DPY19L2: variants seen among roughly 807,000 people sequenced by gnomAD.
DPY19L2 encodes probable C-mannosyltransferase DPY19L2.
DPY19L2 carries 34 observed loss-of-function variants against 97.9 expected under a neutral mutation model. That is an observed-to-expected ratio of 0.35 (90% CI 0.26 to 0.46). DPY19L2 has a LOEUF of 0.46. DPY19L2 is among the 20% of genes least tolerant of loss of function. The pLI is 1.00. For missense variants in DPY19L2, 623 were observed against 911.4 expected, an observed-to-expected ratio of 0.68 and a Z score of 4.07; for synonymous variants, 230 against 307.9, an observed-to-expected ratio of 0.75 and a Z score of 2.65.
At position 63,661,441 on chromosome 12, in the gene DPY19L2, G is replaced by C. The variant is rs758933100; in HGVS notation, c.491C>G (p.Pro164Arg). The C allele has an allele frequency of 3.1e-6, 5 of 1,599,554 alleles. No individual in the cohort carries two copies. The South Asian group carries it at 4.6e-5, about 15-fold the overall frequency. ...YSYFKTIIEA[P>R]SFLEGLWMIM... Reference sequence around the variant, plus strand: ...CATCCACAGTCCTTCCAAAAACGAAGGTGCTTCAATAATGGTCTTGAAGTA... The same window carrying C: ...CATCCACAGTCCTTCCAAAAACGAACGTGCTTCAATAATGGTCTTGAAGTA... The change falls in exon 4 of 22, where the codon CCT becomes CGT. Residue 164 changes from proline to arginine, a missense_variant. Physicochemically the swap from Pro to Arg is moderately radical, Grantham distance 103. Coordinates refer to ENST00000324472, the MANE Select transcript of DPY19L2 (RefSeq NM_173812.5).
chr12:63,619,983 A>G (rs1473844403), intron 9 of DPY19L2: 2 of 455,984 alleles, frequency 4.4e-6, no homozygotes, highest in Admixed American at 4.7e-5. Context: ...CAGACGGAAT[A>G]CTTTAAACAT....
intron 4 of DPY19L2, among the ~76,000 whole-genome samples, chr12:63,658,647 C>T (rs1415498180): frequency 1.3e-5 from 2 of 152,166 alleles, no homozygotes; most frequent in Non-Finnish European, 2.9e-5. Context: ...CTCAATACTG[C>T]TTCCACCTGA....
chr12:63,582,647 A>G (rs919376900), intron 17 of DPY19L2, 122 bp from the exon 18 acceptor site: 27 of 1,098,738 alleles, frequency 2.5e-5, no homozygotes, highest in African/African-American at 4.8e-5. Context: ...TAAGCCTATC[A>G]GTATTCATTC....
At position 63,624,106 on chromosome 12, in the gene DPY19L2, G is replaced by T; in HGVS notation, c.887C>A (p.Pro296His). The T allele has an allele frequency of 6.2e-7, 1 of 1,611,606 alleles. No individual in the cohort carries two copies. Among genetic ancestry groups the T allele is most frequent in the African/African-American group, 1.3e-5 (1 of 74,904 alleles). Residue 296 changes from proline to histidine, a missense_variant, in exon 8 of 22, where the codon CCT (proline) becomes CAT (histidine). Transcript: ENST00000324472. ...GEATRVMWTP[P>H]LRESFSYPFL... ...AGGATAGGAAAAACTTTCACGGAGA[G>T]GTGGTGTCCACATCACACGGGTGGC...
At chr12:63,644,301 T>A (rs1893095381) in intron 6 of DPY19L2, 102 bp downstream of exon 6, 1 of 1,432,454 alleles carries the variant, frequency 7.0e-7, no homozygotes. Flanking sequence ...ACTTTCCTGA[T>A]ATGAATCTAA....
intron 4 of DPY19L2, among the ~76,000 whole-genome samples, chr12:63,649,989 T>C (rs2138185155): frequency 6.6e-6 from 1 of 152,216 alleles, no homozygotes; most frequent in South Asian, 2.1e-4. Context: ...AAGTAGGCTT[T>C]ATTCCTAGGA....
At chr12:63,606,876 C>T (rs1313267669) in intron 12 of DPY19L2, among the ~76,000 whole-genome samples, 4 of 152,194 alleles carry the variant, frequency 2.6e-5, no homozygotes, top group Non-Finnish European at 5.9e-5. Context: ...TACTTCATCA[C>T]CAAAAACTGG....
chr12:63,584,874 C>T (rs1881516052), intron 16 of DPY19L2, among the ~76,000 whole-genome samples: 1 of 152,154 alleles, frequency 6.6e-6, no homozygotes, highest in South Asian at 2.1e-4. Flanking sequence ...AACAAATCTA[C>T]CCATGAAATT....
At chr12:63,642,458 T>C (rs950528537) in intron 6 of DPY19L2, among the ~76,000 whole-genome samples, 4 of 152,138 alleles carry the variant, frequency 2.6e-5, no homozygotes, top group Admixed American at 6.5e-5. Context: ...TTGTCTTTCA[T>C]ATTTGAGTGT....
chr12:63,591,346 CA>C (rs1374956867), intron 16 of DPY19L2, among the ~76,000 whole-genome samples: 11 of 152,172 alleles, frequency 7.2e-5, no homozygotes, highest in African/African-American at 2.6e-4. Flanking sequence ...AAAATAAAAT[CA>C]AATATTCTAT....
At chr12:63,607,559 A>C (rs1348420402) in intron 12 of DPY19L2, among the ~76,000 whole-genome samples, 5 of 152,090 alleles carry the variant, frequency 3.3e-5, no homozygotes, top group Non-Finnish European at 7.4e-5. Flanking sequence ...GAAAATAGCA[A>C]CTCCTTCCAT....
chr12:63,620,808 C>T (rs963076531), intron 9 of DPY19L2, among the ~76,000 whole-genome samples: 10 of 152,084 alleles, frequency 6.6e-5, no homozygotes, highest in Non-Finnish European at 1.3e-4. Flanking sequence ...GGAATTAACC[C>T]AAATGCCCAT....
intron 6 of DPY19L2, among the ~76,000 whole-genome samples, chr12:63,628,044 G>A (rs1889871983): frequency 1.3e-5 from 2 of 152,292 alleles, no homozygotes; most frequent in Admixed American, 1.3e-4. Flanking sequence ...GGAGGAACTG[G>A]GGAAATGTGG....
intron 5 of DPY19L2, among the ~76,000 whole-genome samples, chr12:63,646,945 G>T (rs7138474): frequency 0.05 from 7,618 of 151,930 alleles, 316 homozygotes; most frequent in East Asian, 0.13. Context: ...ATATATTGCA[G>T]CTACCCCAAA....
At position 63,645,451 on chromosome 12, in the gene DPY19L2, T is replaced by C. The variant is rs138200611; in HGVS notation, c.710-955A>G. Among the ~76,000 whole-genome samples, 180 of 152,242 alleles carry C rather than the reference T, an allele frequency of 1.2e-3. 1 individual carries two copies. Among genetic ancestry groups the C allele is most frequent in the African/African-American group, 3.9e-3 (162 of 41,548 alleles). On this transcript the variant is annotated intron_variant, in intron 5 of 21. Transcript: ENST00000324472. The stretch of plus-strand genomic sequence containing the variant: ...ACATCCACAGCTCCAATGATCTATA[T>C]ACAGATGACTCCAACTCTACATTTA...
At chr12:63,609,439 C>T (rs1212767403) in intron 11 of DPY19L2, among the ~76,000 whole-genome samples, 1 of 152,084 alleles carries the variant, frequency 6.6e-6, no homozygotes, top group Non-Finnish European at 1.5e-5. Flanking sequence ...GTAATTGAGT[C>T]ATGAGGGTGA....
At chr12:63,586,277 C>T (rs1430683461) in intron 16 of DPY19L2, among the ~76,000 whole-genome samples, 1 of 152,048 alleles carries the variant, frequency 6.6e-6, no homozygotes, top group Non-Finnish European at 1.5e-5. Flanking sequence ...AAAATAAAGC[C>T]ATTTTTTCAG....
chr12:63,614,190 C>CAA (rs56375248), intron 11 of DPY19L2, among the ~76,000 whole-genome samples: 19 of 114,064 alleles, frequency 1.7e-4, no homozygotes, highest in African/African-American at 5.2e-4. Flanking sequence ...AACTCCGTCT[C>CAA]AAAAAAAAAA....
At chr12:63,605,628 TGTCC>T (rs1287058753) in intron 12 of DPY19L2, among the ~76,000 whole-genome samples, 1 of 152,154 alleles carries the variant, frequency 6.6e-6, no homozygotes, top group Non-Finnish European at 1.5e-5. Flanking sequence ...CAAATACCAT[TGTCC>T]TCTAAAAGGA....
Sources: gnomAD v4.1 joint callset for allele counts (sites outside exome capture counted in the v4.1 genomes callset) on GRCh38, gnomAD v4.1.1 for gene constraint, MANE v1.5 for transcripts, NCBI Gene and HGNC (gene_info 2026-07-23, HGNC 2026-07-21) for gene names.